The following CCDC85A variants were observed in gnomAD, a reference collection of about 807,000 sequenced individuals.
CCDC85A encodes the protein coiled-coil domain-containing protein 85A.
In CCDC85A, 38 loss-of-function variants were observed where a neutral mutation model predicts 50.2. That is an observed-to-expected ratio of 0.76 (90% CI 0.58 to 0.99). The LOEUF is 0.99. Among genes scored for constraint, CCDC85A ranks in the 50% least tolerant of loss-of-function variants. CCDC85A has a pLI of 0.00. For synonymous variants in CCDC85A, 366 were observed against 301.4 expected (o/e 1.21, Z -2.22); for missense variants, 820 against 742.0 (o/e 1.11, Z -1.22).
chr2:56,320,606 T>C (rs956484848), intron 2 of CCDC85A, among the ~76,000 whole-genome samples: 2 of 152,130 alleles, frequency 1.3e-5, no homozygotes, highest in Non-Finnish European at 2.9e-5. Flanking sequence ...GTTGAATCCC[T>C]GAAGAGACCA....
intron 3 of CCDC85A, among the ~76,000 whole-genome samples, chr2:56,349,716 T>G (rs1674812432): frequency 6.6e-6 from 1 of 152,196 alleles, no homozygotes; most frequent in South Asian, 2.1e-4. Context: ...ATTAGTAGAA[T>G]TATTTAATAG....
chr2:56,236,776 A>C (rs1402502892), intron 2 of CCDC85A, among the ~76,000 whole-genome samples: 1 of 152,126 alleles, frequency 6.6e-6, no homozygotes, highest in Admixed American at 6.6e-5. Flanking sequence ...TGGCTTCTTC[A>C]TCATTTTGGC....
intron 5 of CCDC85A, among the ~76,000 whole-genome samples, chr2:56,383,113 A>G (rs995935085): frequency 1.3e-5 from 2 of 152,098 alleles, no homozygotes; most frequent in African/African-American, 4.8e-5. Context: ...ATGTATTGGT[A>G]TATGCTGAGG....
chr2:56,230,403 G>A (rs146862710), intron 2 of CCDC85A, among the ~76,000 whole-genome samples: 24 of 152,228 alleles, frequency 1.6e-4, no homozygotes, highest in Admixed American at 2.6e-4. Flanking sequence ...TGAAAACATC[G>A]TAAAAGAGAT....
At chr2:56,321,379 T>C (rs558427218) in intron 2 of CCDC85A, among the ~76,000 whole-genome samples, 2 of 152,152 alleles carry the variant, frequency 1.3e-5, no homozygotes, top group Non-Finnish European at 2.9e-5. Context: ...CGTGATTGTA[T>C]ATATTTAGAA....
chr2:56,229,805 G>T (rs75328250), intron 2 of CCDC85A, among the ~76,000 whole-genome samples: 5 of 152,096 alleles, frequency 3.3e-5, no homozygotes, highest in Non-Finnish European at 7.4e-5. Context: ...TAGTCAGAAA[G>T]AGCCTACCCC....
chr2:56,331,919 A>G (rs1054359013), intron 2 of CCDC85A, among the ~76,000 whole-genome samples: 1 of 152,150 alleles, frequency 6.6e-6, no homozygotes, highest in Non-Finnish European at 1.5e-5. Context: ...CCCTTTTGAT[A>G]TGGACTGCTG....
Position 56,384,374 on chromosome 2 carries a change from C to G in CCDC85A, c.*19C>G. On this transcript the variant is annotated 3_prime_UTR_variant, in exon 6 of 6. Transcript: ENST00000407595. ...AATGTGAGATGCACTCTTTTTCAAA[C>G]AGGAGATCACCACTGCCAGAAAGTG... 1.3e-6 allele frequency: 2 copies of G among 1,591,348 alleles called. No individual in the cohort carries two copies. Among genetic ancestry groups the G allele is most frequent in the South Asian group, 1.1e-5 (1 of 90,564 alleles).
chr2:56,242,208 T>C (rs1669292563), intron 2 of CCDC85A, among the ~76,000 whole-genome samples: 1 of 152,202 alleles, frequency 6.6e-6, no homozygotes, highest in Non-Finnish European at 1.5e-5. Flanking sequence ...TTGTTTGAGC[T>C]CCTTATATAG....
chr2:56,378,196 C>G (rs1676427854), intron 5 of CCDC85A, among the ~76,000 whole-genome samples: 1 of 152,158 alleles, frequency 6.6e-6, no homozygotes, highest in African/African-American at 2.4e-5. Context: ...TGATTTATAT[C>G]ATGAGATATG....
intron 4 of CCDC85A, among the ~76,000 whole-genome samples, chr2:56,373,572 G>T (rs1239258501): frequency 1.3e-5 from 2 of 152,138 alleles, no homozygotes; most frequent in Non-Finnish European, 2.9e-5. Flanking sequence ...TTATTGATAC[G>T]CTTATCTTTT....
chr2:56,193,012 C>G lies in CCDC85A; in HGVS notation c.812C>G (p.Pro271Arg), dbSNP rs751560718. ...KPRACGTPDRPKALKGPSPEH... is the reference protein window; with the variant it reads ...KPRACGTPDRRKALKGPSPEH... ...AGAGCCTGTGGAACCCCAGATCGCC[C>G]CAAAGCACTCAAAGGACCTAGCCCG... is the stretch of plus-strand genomic sequence containing the variant. The change falls in exon 2 of 6, where the codon CCC becomes CGC. Residue 271 changes from proline (P) to arginine (R), a missense_variant. Coordinates refer to ENST00000407595, the MANE Select transcript of CCDC85A (RefSeq NM_001080433.2). 1.2e-6 allele frequency: 2 copies of G among 1,613,482 alleles called. No homozygotes were observed. Among genetic ancestry groups the G allele is most frequent in the South Asian group, 2.2e-5 (2 of 91,042 alleles).
At chr2:56,249,519 A>G (rs1669657374) in intron 2 of CCDC85A, among the ~76,000 whole-genome samples, 1 of 152,248 alleles carries the variant, frequency 6.6e-6, no homozygotes, top group Non-Finnish European at 1.5e-5. Context: ...CAGCCTCAGA[A>G]GACACACTGT....
intron 5 of CCDC85A, among the ~76,000 whole-genome samples, chr2:56,383,200 T>C (rs989571008): frequency 6.6e-6 from 1 of 151,950 alleles, no homozygotes; most frequent in Admixed American, 6.6e-5. Context: ...ATGAAGGATA[T>C]TGGGTTTCCC....
At chr2:56,285,805 T>C (rs915674756) in intron 2 of CCDC85A, among the ~76,000 whole-genome samples, 2 of 152,050 alleles carry the variant, frequency 1.3e-5, no homozygotes, top group Non-Finnish European at 2.9e-5. Flanking sequence ...TGCCCACATA[T>C]GCACTATTTC....
intron 2 of CCDC85A, among the ~76,000 whole-genome samples, chr2:56,234,060 A>G (rs976744298): frequency 5.9e-5 from 9 of 152,168 alleles, no homozygotes; most frequent in Admixed American, 5.2e-4. Flanking sequence ...AGTACCCTCT[A>G]CCCTAAAAGG....
intron 3 of CCDC85A, among the ~76,000 whole-genome samples, chr2:56,351,993 G>A (rs1674970882): frequency 6.6e-6 from 1 of 152,126 alleles, no homozygotes; most frequent in Non-Finnish European, 1.5e-5. Flanking sequence ...TAGGTCTAAG[G>A]TTTAAGTCTT....
At chr2:56,278,310 A>G (rs947643076) in intron 2 of CCDC85A, among the ~76,000 whole-genome samples, 2 of 152,170 alleles carry the variant, frequency 1.3e-5, no homozygotes, top group African/African-American at 4.8e-5. Flanking sequence ...GTCTGGGTAC[A>G]TAACATAAAA....
At chr2:56,350,430 G>T (rs187112493) in intron 3 of CCDC85A, among the ~76,000 whole-genome samples, 1 of 152,134 alleles carries the variant, frequency 6.6e-6, no homozygotes, top group Admixed American at 6.5e-5. Flanking sequence ...AATTAGCAGG[G>T]TATGGTGGCA....
Sources: gnomAD v4.1 joint callset for allele counts (sites outside exome capture counted in the v4.1 genomes callset) on GRCh38, gnomAD v4.1.1 for gene constraint, MANE v1.5 for transcripts, NCBI Gene and HGNC (gene_info 2026-07-23, HGNC 2026-07-21) for gene names.